Variants in FBXO40 observed in about 807,000 individuals in gnomAD.
The protein encoded by FBXO40 is F-box only protein 40.
In FBXO40, 50 loss-of-function variants were observed where a neutral mutation model predicts 49.9. The observed-to-expected ratio is 1.00, with a 90% CI of 0.80 to 1.27. The LOEUF is 1.27. Ranked by LOEUF, FBXO40 falls within the 50% of genes most tolerant of loss-of-function variation. The pLI is 0.00. For missense variants in FBXO40, 895 were observed against 870.1 expected (o/e 1.03, Z -0.36); for synonymous variants, 340 against 320.2 (o/e 1.06, Z -0.66).
chr3:121,597,382 G>A (rs571465530), intron 1 of FBXO40, among the ~76,000 whole-genome samples: 2 of 152,142 alleles, frequency 1.3e-5, no homozygotes, highest in South Asian at 4.2e-4. Flanking sequence ...GGGGAAGTGT[G>A]GAGGCTTACA....
At chr3:121,606,320 C>T (rs539028153) in intron 1 of FBXO40, among the ~76,000 whole-genome samples, 2 of 152,310 alleles carry the variant, frequency 1.3e-5, no homozygotes, top group Non-Finnish European at 2.9e-5. Flanking sequence ...GACTGGGCGT[C>T]GGTAGCTTGT....
At chr3:121,597,930 T>A (rs1176546171) in intron 1 of FBXO40, among the ~76,000 whole-genome samples, 1 of 152,184 alleles carries the variant, frequency 6.6e-6, no homozygotes, top group Non-Finnish European at 1.5e-5. Flanking sequence ...CCCAAAGTGC[T>A]GGGATTACAG....
At position 121,627,873 on chromosome 3, in the gene FBXO40, C is replaced by A. The variant is rs2049071159; in HGVS notation, c.*963C>A. On this transcript the variant is annotated 3_prime_UTR_variant, in exon 4 of 4. Coordinates refer to ENST00000338040, the MANE Select transcript of FBXO40 (RefSeq NM_016298.4). ...ACCTTTGGCAAAGTCCAGACAAGGCCCACTGCAGTTCCTATGGCGCCAGTC... is the reference window on the plus strand; with the variant it reads ...ACCTTTGGCAAAGTCCAGACAAGGCACACTGCAGTTCCTATGGCGCCAGTC... The A allele has an allele frequency of 2.5e-6, 1 of 398,690 alleles. No homozygotes were observed. Among genetic ancestry groups the A allele is most frequent in the Non-Finnish European group, 4.4e-6 (1 of 226,242 alleles). 24.7% of individuals were successfully genotyped at this position (398,690 alleles called of 1,614,324 possible).
chr3:121,602,972 C>T (rs1560127640), intron 1 of FBXO40, among the ~76,000 whole-genome samples: 1 of 152,172 alleles, frequency 6.6e-6, no homozygotes, highest in Admixed American at 6.5e-5. Context: ...GGGCAGCTTA[C>T]AGACAACAGA....
intron 1 of FBXO40, among the ~76,000 whole-genome samples, chr3:121,607,609 G>A (rs377541035): frequency 4.6e-4 from 70 of 151,814 alleles, no homozygotes; most frequent in Middle Eastern, 3.4e-3. Flanking sequence ...GCACCTGGCC[G>A]AGACCTCTAA....
chr3:121,614,979 G>T (rs1445457614), intron 1 of FBXO40, among the ~76,000 whole-genome samples: 2 of 152,164 alleles, frequency 1.3e-5, no homozygotes. Context: ...CAGCACTTCG[G>T]GAGGCCGAGG....
At chr3:121,613,694 G>T (rs1036251054) in intron 1 of FBXO40, among the ~76,000 whole-genome samples, 3 of 152,174 alleles carry the variant, frequency 2.0e-5, no homozygotes, top group Admixed American at 2.0e-4. Context: ...ACTTTAACTT[G>T]TAACTGCAGT....
At chr3:121,615,197 T>C (rs1160927089) in intron 1 of FBXO40, among the ~76,000 whole-genome samples, 6 of 35,786 alleles carry the variant, frequency 1.7e-4, no homozygotes, top group South Asian at 9.8e-4. Flanking sequence ...AGAGAGAGCA[T>C]CTCAAAAAAA....
intron 2 of FBXO40, 90 bp downstream of exon 2, chr3:121,620,668 C>T: frequency 6.6e-7 from 1 of 1,515,372 alleles, no homozygotes; most frequent in Non-Finnish European, 9.1e-7. Context: ...AGCAGACTTG[C>T]TCTTATGGTT....
At chr3:121,602,140 T>C (rs1441955175) in intron 1 of FBXO40, among the ~76,000 whole-genome samples, 8 of 152,220 alleles carry the variant, frequency 5.3e-5, no homozygotes. Context: ...TAGTCCTGAC[T>C]CTTTTAGCTC....
intron 1 of FBXO40, among the ~76,000 whole-genome samples, chr3:121,613,196 G>C (rs929274271): frequency 2.6e-5 from 4 of 152,158 alleles, no homozygotes; most frequent in African/African-American, 9.7e-5. Context: ...CAGGACTGAA[G>C]GTGCTGAATA....
chr3:121,618,188 A>G (rs28407601), intron 1 of FBXO40, among the ~76,000 whole-genome samples: 31,357 of 151,968 alleles, frequency 0.21, 3,987 homozygotes, highest in Middle Eastern at 0.34. Flanking sequence ...AATATTAAAA[A>G]TTTAAAAATA....
chr3:121,608,061 G>A (rs918136134), intron 1 of FBXO40, among the ~76,000 whole-genome samples: 1 of 152,174 alleles, frequency 6.6e-6, no homozygotes, highest in African/African-American at 2.4e-5. Flanking sequence ...ACACTGGCTC[G>A]GCTATGTCTG....
intron 1 of FBXO40, among the ~76,000 whole-genome samples, chr3:121,601,895 C>T (rs1425456768): frequency 1.3e-5 from 2 of 152,220 alleles, no homozygotes; most frequent in African/African-American, 4.8e-5. Flanking sequence ...ATTCTCTCAG[C>T]CAGGACAGGC....
rs2049070777 is a variant in FBXO40 at position 121,627,810 on chromosome 3, G to A, written c.*900G>A. 3 of 398,474 alleles carry A rather than the reference G, an allele frequency of 7.5e-6. No individual in the cohort carries two copies. The highest frequency in any genetic ancestry group is 4.4e-6 in the Non-Finnish European group (1 of 226,082). 24.7% of individuals were successfully genotyped at this position (398,474 alleles called of 1,614,324 possible). A position where few individuals can be genotyped will look rare whatever the true frequency, so the allele number is the denominator to read the frequency against. On this transcript the variant is annotated 3_prime_UTR_variant, in exon 4 of 4. Coordinates refer to ENST00000338040, the MANE Select transcript of FBXO40 (RefSeq NM_016298.4). ...TCAATACACTAATGCCAACCTCAGC[G>A]TCATGCCAGAATGCACAGGGCAGCC...
chr3:121,627,904 C>G lies in FBXO40; in HGVS notation c.*994C>G, dbSNP rs2049071321. On this transcript the variant is annotated 3_prime_UTR_variant, in exon 4 of 4. Coordinates refer to ENST00000338040, the MANE Select transcript of FBXO40 (RefSeq NM_016298.4). ...CAGTTCCTATGGCGCCAGTCACCAG[C>G]TCCTAGACAGCACTTGGGTACCCCA... is the stretch of plus-strand genomic sequence containing the variant. 1 of 398,628 alleles carries G rather than the reference C, an allele frequency of 2.5e-6. No homozygotes were observed. The highest frequency in any genetic ancestry group is 2.1e-5 in the African/African-American group (1 of 48,648). The allele number at this position is 398,628 out of a possible 1,614,324, so 24.7% of individuals were successfully genotyped here. A position where few individuals can be genotyped will look rare whatever the true frequency, so the allele number is the denominator to read the frequency against.
At chr3:121,606,108 G>C (rs1309967340) in intron 1 of FBXO40, among the ~76,000 whole-genome samples, 1 of 152,212 alleles carries the variant, frequency 6.6e-6, no homozygotes, top group Admixed American at 6.5e-5. Context: ...AAAAGTAAAA[G>C]ACGACCAGGA....
intron 1 of FBXO40, among the ~76,000 whole-genome samples, chr3:121,612,942 T>C (rs903720686): frequency 3.3e-5 from 5 of 151,556 alleles, no homozygotes; most frequent in South Asian, 2.1e-4. Flanking sequence ...TGGTGGCGGG[T>C]GCCTGCAGTC....
intron 1 of FBXO40, among the ~76,000 whole-genome samples, chr3:121,619,533 C>T (rs988777895): frequency 5.3e-5 from 8 of 151,948 alleles, no homozygotes; most frequent in East Asian, 1.9e-4. Flanking sequence ...ATTTTTATTT[C>T]GATATATTAT....
Sources: gnomAD v4.1 joint callset for allele counts (sites outside exome capture counted in the v4.1 genomes callset) on GRCh38, gnomAD v4.1.1 for gene constraint, MANE v1.5 for transcripts, NCBI Gene and HGNC (gene_info 2026-07-23, HGNC 2026-07-21) for gene names.